The following WFDC9 variants were observed in gnomAD, a reference collection of about 807,000 sequenced individuals.
WFDC9 encodes the protein WAP four-disulfide core domain 9.
WFDC9 carries 9 observed loss-of-function variants against 9.5 expected under a neutral mutation model. That is an observed-to-expected ratio of 0.95 (90% CI 0.57 to 1.65). The LOEUF (loss-of-function observed/expected upper bound fraction) is 1.65. WFDC9 is among the 40% of genes most tolerant of loss of function. The probability of loss-of-function intolerance (pLI) is 0.00; values close to 1 mark genes in which losing one functional copy is unlikely to be tolerated. For missense variants in WFDC9, 87 were observed against 106.7 expected, an observed-to-expected ratio of 0.82 and a Z score of 0.81; for synonymous variants, 33 against 32.3, an observed-to-expected ratio of 1.02 and a Z score of -0.07.
intron 3 of WFDC9, among the ~76,000 whole-genome samples, 193 bp from the exon 4 acceptor site, chr20:45,609,003 A>G (rs1372879051): frequency 6.6e-6 from 1 of 152,078 alleles, no homozygotes; most frequent in African/African-American, 2.4e-5. Flanking sequence ...GTGTTCCTCC[A>G]TCTACATGTC....
chr20:45,618,564 TATTA>T (rs1982023318), intron 1 of WFDC9, among the ~76,000 whole-genome samples: 1 of 152,194 alleles, frequency 6.6e-6, no homozygotes, highest in Non-Finnish European at 1.5e-5. Context: ...GTTGCGGGGT[TATTA>T]ATTGGCCCAA....
intron 1 of WFDC9, among the ~76,000 whole-genome samples, chr20:45,618,038 A>T (rs1016876181): frequency 6.6e-6 from 1 of 152,234 alleles, no homozygotes. Flanking sequence ...TTAAAGGGCC[A>T]ACAGTATCTT....
At chr20:45,631,139 C>T (rs773737834) in intron 1 of WFDC9, 64 bp downstream of exon 1, 27 of 1,182,398 alleles carry the variant, frequency 2.3e-5, no homozygotes, top group Non-Finnish European at 3.0e-5. Context: ...GAATGCCGCC[C>T]TCTCTACTGT....
chr20:45,610,743 T>C (rs1981842502), intron 2 of WFDC9, among the ~76,000 whole-genome samples: 1 of 152,196 alleles, frequency 6.6e-6, no homozygotes, highest in South Asian at 2.1e-4. Flanking sequence ...TGAGAAAAGA[T>C]GATGGCCAAG....
intron 1 of WFDC9, chr20:45,629,993 G>T (rs1648339472): frequency 2.0e-6 from 3 of 1,525,104 alleles, no homozygotes; most frequent in African/African-American, 1.4e-5. Context: ...CTAGGAGTTG[G>T]AAACTCTCTG....
At chr20:45,630,865 G>T in intron 1 of WFDC9, 1 of 1,592,796 alleles carries the variant, frequency 6.3e-7, no homozygotes, top group Non-Finnish European at 8.5e-7. Context: ...TATTCTCCTT[G>T]TCAGAAACAC....
chr20:45,613,513 T>G (rs1981905573), intron 2 of WFDC9, among the ~76,000 whole-genome samples: 1 of 152,216 alleles, frequency 6.6e-6, no homozygotes, highest in Non-Finnish European at 1.5e-5. Context: ...GACAAATCAC[T>G]TTTAAGAGAT....
intron 1 of WFDC9, among the ~76,000 whole-genome samples, chr20:45,620,017 C>G (rs1600920968): frequency 6.6e-6 from 1 of 151,902 alleles, no homozygotes; most frequent in Admixed American, 6.6e-5. Context: ...CAGAGCGAGA[C>G]TCTGTCTCAA....
At chr20:45,622,638 C>T (rs1408866843) in intron 1 of WFDC9, among the ~76,000 whole-genome samples, 1 of 152,086 alleles carries the variant, frequency 6.6e-6, no homozygotes, top group African/African-American at 2.4e-5. Context: ...CCAATCACCC[C>T]CAATGCTGTC....
At chr20:45,629,735 C>T in intron 1 of WFDC9, 2 of 1,525,256 alleles carry the variant, frequency 1.3e-6, no homozygotes. Flanking sequence ...TCTTTCCTTC[C>T]TTCACTCTCC....
At chr20:45,628,449 T>A (rs1431927217) in intron 1 of WFDC9, among the ~76,000 whole-genome samples, 4 of 152,230 alleles carry the variant, frequency 2.6e-5, no homozygotes, top group Non-Finnish European at 1.5e-5. Flanking sequence ...GGCTGCAAGA[T>A]GCTTGGGTAA....
At chr20:45,623,634 A>T (rs1458918785) in intron 1 of WFDC9, among the ~76,000 whole-genome samples, 1 of 152,012 alleles carries the variant, frequency 6.6e-6, no homozygotes, top group Non-Finnish European at 1.5e-5. Flanking sequence ...TCTCAAAAAA[A>T]AAAAAGTTTT....
At chr20:45,629,016 C>A (rs1282305079) in intron 1 of WFDC9, among the ~76,000 whole-genome samples, 1 of 152,180 alleles carries the variant, frequency 6.6e-6, no homozygotes, top group African/African-American at 2.4e-5. Flanking sequence ...ATAGGTCTCT[C>A]CCCCTGTCTG....
At chr20:45,624,425 G>C (rs978529865) in intron 1 of WFDC9, among the ~76,000 whole-genome samples, 3 of 152,152 alleles carry the variant, frequency 2.0e-5, no homozygotes, top group African/African-American at 7.2e-5. Context: ...GAATAGGATT[G>C]TGTTGTATAT....
At chr20:45,631,144 T>C in intron 1 of WFDC9, 59 bp downstream of exon 1, 3 of 1,135,422 alleles carry the variant, frequency 2.6e-6, no homozygotes, top group Non-Finnish European at 3.6e-6. Flanking sequence ...CCGCCCTCTC[T>C]ACTGTCTGAA....
intron 1 of WFDC9, among the ~76,000 whole-genome samples, chr20:45,628,118 C>A (rs990446341): frequency 6.6e-6 from 1 of 152,152 alleles, no homozygotes; most frequent in African/African-American, 2.4e-5. Context: ...GTACTTGAGC[C>A]TGCCACAATG....
At chr20:45,625,553 G>A (rs1253535385) in intron 1 of WFDC9, among the ~76,000 whole-genome samples, 1 of 152,012 alleles carries the variant, frequency 6.6e-6, no homozygotes, top group Non-Finnish European at 1.5e-5. Flanking sequence ...AAAATGTCCT[G>A]AAGTATTTCC....
intron 2 of WFDC9, among the ~76,000 whole-genome samples, chr20:45,611,350 G>C (rs1442063754): frequency 1.3e-5 from 2 of 152,132 alleles, no homozygotes; most frequent in African/African-American, 4.8e-5. Flanking sequence ...TCTGAGGGAG[G>C]GAGGAATCCA....
At chr20:45,624,171 G>A (rs1235617975) in intron 1 of WFDC9, among the ~76,000 whole-genome samples, 1 of 152,192 alleles carries the variant, frequency 6.6e-6, no homozygotes, top group East Asian at 1.9e-4. Flanking sequence ...CAGCCTAGGC[G>A]ACAGAGCAAG....
Sources: gnomAD v4.1 joint callset for allele counts (sites outside exome capture counted in the v4.1 genomes callset) on GRCh38, gnomAD v4.1.1 for gene constraint, MANE v1.5 for transcripts, NCBI Gene and HGNC (gene_info 2026-07-23, HGNC 2026-07-21) for gene names.